Variants in IL1RAPL1 observed in about 807,000 individuals in gnomAD.
IL1RAPL1 encodes the protein interleukin-1 receptor accessory protein-like 1.
Under a neutral mutation model 48.4 loss-of-function variants are expected in IL1RAPL1, and 3 were observed. The ratio of observed to expected loss-of-function variants is 0.06; its 90% confidence interval spans 0.03 to 0.16. The LOEUF is 0.16. IL1RAPL1 is among the 10% of genes least tolerant of loss of function. The pLI, the probability that IL1RAPL1 is intolerant of heterozygous loss-of-function variation, is 1.00. For missense variants in IL1RAPL1, 349 were observed against 530.6 expected (o/e 0.66, Z 3.36); for synonymous variants, 185 against 187.7 (o/e 0.99, Z 0.12).
At chrX:28,904,165 A>G (rs1043951477) in intron 2 of IL1RAPL1, among the ~76,000 whole-genome samples, 40 of 111,061 alleles carry the variant, frequency 3.6e-4, no homozygotes, top group African/African-American at 1.2e-3. Context: ...ACCAAGTACT[A>G]CTCTAGGAGA....
intron 2 of IL1RAPL1, among the ~76,000 whole-genome samples, chrX:28,861,696 T>C (rs1170352867): frequency 9.0e-6 from 1 of 111,368 alleles, no homozygotes; most frequent in Non-Finnish European, 1.9e-5. Context: ...ATTACTTTCA[T>C]TGAGCAATTT....
intron 5 of IL1RAPL1, among the ~76,000 whole-genome samples, chrX:29,663,968 T>A (rs1393757159): frequency 8.9e-6 from 1 of 112,200 alleles, no homozygotes; most frequent in Non-Finnish European, 1.9e-5. Context: ...TGTCACATTC[T>A]CCATATAAAA....
intron 2 of IL1RAPL1, among the ~76,000 whole-genome samples, chrX:28,948,873 A>G (rs572554738): frequency 9.0e-6 from 1 of 111,363 alleles, no homozygotes; most frequent in African/African-American, 3.2e-5. Flanking sequence ...ACAGTAAGAC[A>G]TTAACAATAA....
intron 2 of IL1RAPL1, among the ~76,000 whole-genome samples, chrX:29,109,673 G>C (rs1278886183): frequency 9.0e-6 from 1 of 110,560 alleles, no homozygotes; most frequent in African/African-American, 3.3e-5. Flanking sequence ...AGTATATAGT[G>C]CTAGTTTGTA....
chrX:29,682,802 A>C (rs1227312361), intron 6 of IL1RAPL1, among the ~76,000 whole-genome samples: 1 of 112,053 alleles, frequency 8.9e-6, no homozygotes, highest in Non-Finnish European at 1.9e-5. Context: ...GGAGTAAACC[A>C]CGCTAAAACT....
At chrX:28,950,588 C>T (rs1299823974) in intron 2 of IL1RAPL1, among the ~76,000 whole-genome samples, 1 of 102,960 alleles carries the variant, frequency 9.7e-6, no homozygotes, top group Non-Finnish European at 2.0e-5. Context: ...AATGTTCTTC[C>T]ATTTGTTTGT....
At chrX:29,627,193 A>C (rs1423139538) in intron 5 of IL1RAPL1, among the ~76,000 whole-genome samples, 2 of 112,180 alleles carry the variant, frequency 1.8e-5, no homozygotes, top group Non-Finnish European at 3.8e-5. Flanking sequence ...GATGATTTTA[A>C]AATGTGGCAA....
chrX:28,599,351 C>G (rs1933994373), intron 1 of IL1RAPL1, among the ~76,000 whole-genome samples: 1 of 110,482 alleles, frequency 9.1e-6, no homozygotes, highest in Non-Finnish European at 1.9e-5. Context: ...TTACTTTCCT[C>G]CTGGCGTCAT....
At chrX:28,829,056 A>G (rs767775165) in intron 2 of IL1RAPL1, among the ~76,000 whole-genome samples, 104 of 111,838 alleles carry the variant, frequency 9.3e-4, no homozygotes, top group African/African-American at 3.3e-3. Flanking sequence ...CAACTTTTGC[A>G]CTTCTTTTTT....
rs1601847583 is a variant in IL1RAPL1, at chrX:28,652,940, T to C, written c.-25+64893T>C. ...AGCCTAAGTGAATTTTTGTTCCAGA[T>C]AGAAGACCAACTTAATAAATGAGTC... On this transcript the variant is annotated intron_variant, in intron 1 of 10. Transcript: ENST00000378993. 7.2e-5 allele frequency among the ~76,000 whole-genome samples: 8 copies of C among 110,934 alleles called. No homozygotes were observed. The Admixed American group carries it at 7.7e-4, about 11-fold the overall frequency.
rs773987995 is a variant in IL1RAPL1, at chrX:28,958,608, G to T, written c.82+169183G>T. Among the ~76,000 whole-genome samples the T allele has an allele frequency of 6.3e-5, 7 of 111,392 alleles. No individual in the cohort carries two copies. In the East Asian group the frequency reaches 1.7e-3, roughly 27 times the overall value. On this transcript the variant is annotated intron_variant, in intron 2 of 10. Transcript: ENST00000378993. ...CCTTCAAGGATTATGAAGGAAGATA[G>T]TAAAAGTCATTTTTTAAACAGTTTG... is the stretch of plus-strand genomic sequence containing the variant.
At chrX:29,821,560 A>G (rs953906121) in intron 6 of IL1RAPL1, among the ~76,000 whole-genome samples, 2 of 112,766 alleles carry the variant, frequency 1.8e-5, no homozygotes, top group African/African-American at 6.4e-5. Context: ...CAGGTCACTT[A>G]CAAGAAACCA....
At chrX:29,411,705 C>CT (rs35526788) in intron 5 of IL1RAPL1, among the ~76,000 whole-genome samples, 14,146 of 95,879 alleles carry the variant, frequency 0.15, 1,876 homozygotes, top group African/African-American at 0.42. Flanking sequence ...GAAACAACTA[C>CT]TTTTTTTTTT....
intron 2 of IL1RAPL1, among the ~76,000 whole-genome samples, chrX:29,122,407 T>TCACACACACA (rs1457241280): frequency 7.9e-5 from 6 of 76,258 alleles, no homozygotes; most frequent in African/African-American, 2.0e-4. Context: ...TCTCTCTCTC[T>TCACACACACA]CTCACACACA....
chrX:29,267,161 T>G (rs1033284918), intron 2 of IL1RAPL1, among the ~76,000 whole-genome samples: 4 of 112,156 alleles, frequency 3.6e-5, no homozygotes, highest in African/African-American at 1.3e-4. Context: ...TTAACCTGCC[T>G]TTTCTCACTT....
chrX:28,826,906 C>A (rs1385209877), intron 2 of IL1RAPL1, among the ~76,000 whole-genome samples: 2 of 110,969 alleles, frequency 1.8e-5, no homozygotes, highest in Non-Finnish European at 1.9e-5. Flanking sequence ...GTGAAAGTTT[C>A]TTTGCATATT....
intron 6 of IL1RAPL1, among the ~76,000 whole-genome samples, chrX:29,907,520 A>ATAATGCAATT (rs1466132387): frequency 2.2e-4 from 25 of 111,778 alleles, no homozygotes; most frequent in Admixed American, 1.6e-3. Flanking sequence ...TTTTTAGAAA[A>ATAATGCAATT]TAATGCAATT....
intron 6 of IL1RAPL1, among the ~76,000 whole-genome samples, chrX:29,733,276 A>C (rs1169440571): frequency 8.9e-6 from 1 of 111,963 alleles, no homozygotes; most frequent in African/African-American, 3.3e-5. Context: ...TTTCCCTCCT[A>C]TCTGACTGCA....
At chrX:29,942,472 G>C (rs1387545494) in intron 9 of IL1RAPL1, among the ~76,000 whole-genome samples, 2 of 111,579 alleles carry the variant, frequency 1.8e-5, no homozygotes, top group African/African-American at 3.3e-5. Context: ...GGAAAATGGA[G>C]TCCTTAAAAT....
Sources: gnomAD v4.1 joint callset for allele counts (sites outside exome capture counted in the v4.1 genomes callset) on GRCh38, gnomAD v4.1.1 for gene constraint, MANE v1.5 for transcripts, NCBI Gene and HGNC (gene_info 2026-07-23, HGNC 2026-07-21) for gene names.